The following TEX14 variants were observed in gnomAD, a reference collection of about 807,000 sequenced individuals.
TEX14 encodes inactive serine/threonine-protein kinase TEX14.
TEX14 carries 168 observed loss-of-function variants against 178.6 expected under a neutral mutation model. That is an observed-to-expected ratio of 0.94 (90% CI 0.83 to 1.07). The LOEUF (loss-of-function observed/expected upper bound fraction) is 1.07. Among genes scored for constraint, TEX14 ranks in the 50% least tolerant of loss-of-function variants. The pLI, the probability that TEX14 is intolerant of heterozygous loss-of-function variation, is 0.00. For synonymous variants in TEX14, 626 were observed against 634.1 expected, an observed-to-expected ratio of 0.99 and a Z score of 0.19; for missense variants, 1,730 against 1,753.6, an observed-to-expected ratio of 0.99 and a Z score of 0.24.
chr17:58,672,078 G>A (rs118061508), intron 1 of TEX14, among the ~76,000 whole-genome samples: 5,360 of 152,258 alleles, frequency 0.035, 152 homozygotes, highest in East Asian at 0.077. Flanking sequence ...TCAGGCATTA[G>A]TTAGGTTCTC....
intron 1 of TEX14, among the ~76,000 whole-genome samples, chr17:58,665,641 T>G (rs2047190530): frequency 6.6e-6 from 1 of 151,726 alleles, no homozygotes; most frequent in Non-Finnish European, 1.5e-5. Flanking sequence ...TGCGTTTACC[T>G]CACTAAAGTT....
chr17:58,567,726 A>G (rs952748318), intron 26 of TEX14: 1 of 152,242 alleles, frequency 6.6e-6, no homozygotes, highest in African/African-American at 2.4e-5. Flanking sequence ...CTGCAAAATT[A>G]CTGACCCATC....
chr17:58,652,275 C>T (rs998241930), intron 1 of TEX14, among the ~76,000 whole-genome samples: 1 of 152,026 alleles, frequency 6.6e-6, no homozygotes, highest in Non-Finnish European at 1.5e-5. Flanking sequence ...GGCTCCATGT[C>T]CCTACCCAAA....
chr17:58,641,037 G>A (rs1418152347), intron 2 of TEX14, among the ~76,000 whole-genome samples: 1 of 152,094 alleles, frequency 6.6e-6, no homozygotes, highest in Admixed American at 6.6e-5. Flanking sequence ...GGTTACTTTA[G>A]ATTTCAGAGG....
intron 1 of TEX14, among the ~76,000 whole-genome samples, chr17:58,686,082 G>A (rs1020618670): frequency 6.6e-6 from 1 of 151,802 alleles, no homozygotes; most frequent in Admixed American, 6.6e-5. Context: ...GGATCATGGT[G>A]GCTCGCACCT....
In TEX14 at chr17:58,626,501, C is replaced by T. The variant is rs1224958788; in HGVS notation, c.252-3489G>A. 3.6e-5 allele frequency among the ~76,000 whole-genome samples: 5 copies of T among 138,674 alleles called. No individual in the cohort carries two copies. The South Asian group carries it at 1.2e-3, about 33-fold the overall frequency. The allele number at this position is 138,674 out of a possible 152,430, so 91.0% of individuals were successfully genotyped here. A position where few individuals can be genotyped will look rare whatever the true frequency, so the allele number is the denominator to read the frequency against. On this transcript the variant is annotated intron_variant, in intron 3 of 31. Coordinates refer to ENST00000349033, the MANE Select transcript of TEX14 (RefSeq NM_031272.5). ...AGGAGAATTGCTGGAACCCTGTAGG[C>T]AGAGGCTGCAGTGAGCCAAGACCGT... is the stretch of plus-strand genomic sequence containing the variant.
intron 3 of TEX14, among the ~76,000 whole-genome samples, chr17:58,627,533 G>A (rs1277741113): frequency 1.3e-5 from 2 of 152,154 alleles, no homozygotes; most frequent in East Asian, 3.8e-4. Context: ...CACTTTGGAA[G>A]GCGGAGGCTG....
intron 1 of TEX14, among the ~76,000 whole-genome samples, chr17:58,657,334 A>G (rs1631237): frequency 0.64 from 96,233 of 151,184 alleles, 31,009 homozygotes; most frequent in African/African-American, 0.71. Flanking sequence ...TCTGTGTGTC[A>G]GGGGGTGGAA....
intron 1 of TEX14, among the ~76,000 whole-genome samples, chr17:58,684,693 C>T (rs2047562766): frequency 6.6e-6 from 1 of 151,632 alleles, no homozygotes; most frequent in Non-Finnish European, 1.5e-5. Context: ...AGCTTTCTTC[C>T]TCCTACCACT....
In TEX14 at chr17:58,660,908, G is replaced by C. The variant is rs777640140; in HGVS notation, c.-1-8906C>G. On this transcript the variant is annotated intron_variant, in intron 1 of 31. Transcript: ENST00000349033. ...CCTCTTCTGGTGACATGAGTTAGAA[G>C]TGGATGCCTCTCTTGAAGAGTCTTT... 6.8e-5 allele frequency: 58 copies of C among 847,784 alleles called. No homozygotes were observed. The East Asian group carries it at 1.4e-3, about 20-fold the overall frequency. The allele number at this position is 847,784 out of a possible 1,614,324, so 52.5% of individuals were successfully genotyped here.
At chr17:58,640,383 T>C (rs1343533820) in intron 2 of TEX14, among the ~76,000 whole-genome samples, 2 of 152,028 alleles carry the variant, frequency 1.3e-5, no homozygotes, top group Non-Finnish European at 2.9e-5. Context: ...TAAGTACTAT[T>C]AGTAATCATC....
chr17:58,617,830 C>T (rs577254683), intron 5 of TEX14, among the ~76,000 whole-genome samples: 1 of 152,306 alleles, frequency 6.6e-6, no homozygotes, highest in African/African-American at 2.4e-5. Context: ...TAGCCCCTCA[C>T]AGGTCACATG....
At chr17:58,674,575 C>T (rs1025418872) in intron 1 of TEX14, among the ~76,000 whole-genome samples, 4 of 151,540 alleles carry the variant, frequency 2.6e-5, no homozygotes, top group Non-Finnish European at 2.9e-5. Flanking sequence ...GACGGAGAGG[C>T]ACAAGAATCG....
chr17:58,577,759 T>G (rs1432883355), intron 20 of TEX14, among the ~76,000 whole-genome samples: 1 of 152,228 alleles, frequency 6.6e-6, no homozygotes, highest in Non-Finnish European at 1.5e-5. Context: ...AATGTTGTTT[T>G]GTCTTTTTAA....
intron 2 of TEX14, among the ~76,000 whole-genome samples, chr17:58,644,746 G>A (rs921291247): frequency 3.6e-5 from 5 of 138,582 alleles, no homozygotes; most frequent in Non-Finnish European, 7.6e-5. Flanking sequence ...TGGTTCAAGC[G>A]ATTCTCCTGC....
chr17:58,645,503 C>T (rs1598413927), intron 2 of TEX14, among the ~76,000 whole-genome samples: 1 of 152,072 alleles, frequency 6.6e-6, no homozygotes, highest in African/African-American at 2.4e-5. Flanking sequence ...GGACTATAGG[C>T]GCCCGCCACC....
intron 19 of TEX14, 134 bp downstream of exon 19, chr17:58,584,366 G>A (rs2044899740): frequency 9.5e-6 from 6 of 631,962 alleles, no homozygotes; most frequent in Non-Finnish European, 1.4e-5. Flanking sequence ...TCATGTCAGT[G>A]ACATGAAGGC....
chr17:58,570,613 CT>C (rs2044500008), intron 24 of TEX14, 129 bp from the exon 25 acceptor site: 1 of 361,366 alleles, frequency 2.8e-6, no homozygotes. Context: ...TCTGGGAAGC[CT>C]CCTTTTTTTT....
intron 23 of TEX14, 74 bp downstream of exon 23, chr17:58,573,107 G>T: frequency 6.4e-7 from 1 of 1,574,662 alleles, no homozygotes; most frequent in Non-Finnish European, 8.6e-7. Context: ...CTGATACCAC[G>T]GCTTGGCTTC....
Sources: gnomAD v4.1 joint callset for allele counts (sites outside exome capture counted in the v4.1 genomes callset) on GRCh38, gnomAD v4.1.1 for gene constraint, MANE v1.5 for transcripts, NCBI Gene and HGNC (gene_info 2026-07-23, HGNC 2026-07-21) for gene names.